MAP2K3: variants seen among roughly 807,000 people sequenced by gnomAD.
MAP2K3 encodes the protein dual specificity mitogen-activated protein kinase kinase 3.
MAP2K3 carries 30 observed loss-of-function variants against 46.4 expected under a neutral mutation model. The ratio of observed to expected loss-of-function variants is 0.65; its 90% CI spans 0.48 to 0.88. The LOEUF (loss-of-function observed/expected upper bound fraction) is 0.88. Among genes scored for constraint, MAP2K3 ranks in the 40% least tolerant of loss-of-function variants. The probability of loss-of-function intolerance (pLI) is 0.00; values close to 1 mark genes in which losing one functional copy is unlikely to be tolerated. For synonymous variants in MAP2K3, 189 were observed against 176.3 expected (o/e 1.07, Z -0.57); for missense variants, 380 against 464.5 (o/e 0.82, Z 1.67).
chr17:21,312,515 A>G (rs990341942), intron 10 of MAP2K3, among the ~76,000 whole-genome samples: 1 of 152,246 alleles, frequency 6.6e-6, no homozygotes, highest in Non-Finnish European at 1.5e-5. Flanking sequence ...AGACTGAAAA[A>G]GAGAACAAAG....
intron 1 of MAP2K3, chr17:21,291,293 C>G (rs1031081201): frequency 9.2e-5 from 2 of 21,800 alleles, no homozygotes; most frequent in African/African-American, 1.1e-3. Context: ...CAATAGAATA[C>G]AATACAATAG....
intron 1 of MAP2K3, among the ~76,000 whole-genome samples, chr17:21,286,289 G>A (rs1248946442): frequency 6.6e-6 from 1 of 152,258 alleles, no homozygotes; most frequent in Non-Finnish European, 1.5e-5. Context: ...TGCAGCCTCA[G>A]AGTGAGCAGG....
chr17:21,291,646 C>T (rs531259447), intron 1 of MAP2K3: 1 of 453,812 alleles, frequency 2.2e-6, no homozygotes, highest in South Asian at 1.6e-5. Flanking sequence ...GGGGCCTGCC[C>T]CACAGTGTGG....
At chr17:21,304,818 C>T (rs1364525480) in intron 8 of MAP2K3, among the ~76,000 whole-genome samples, 3 of 152,424 alleles carry the variant, frequency 2.0e-5, no homozygotes, top group Non-Finnish European at 2.9e-5. Context: ...GTGCAGGTCC[C>T]GCCCCGCCCT....
intron 1 of MAP2K3, among the ~76,000 whole-genome samples, chr17:21,295,203 C>T (rs987551100): frequency 9.8e-5 from 15 of 152,290 alleles, no homozygotes; most frequent in Admixed American, 9.2e-4. Flanking sequence ...ACTCAAGGGT[C>T]GGGGGCTCTA....
chr17:21,298,362 G>A (rs756550999), intron 1 of MAP2K3, 51 bp from the exon 2 acceptor site: 7 of 1,612,028 alleles, frequency 4.3e-6, no homozygotes, highest in African/African-American at 1.3e-5. Flanking sequence ...GAGTGCAGGG[G>A]ACATTGATGT....
rs1476154380 is a variant in MAP2K3 at position 21,315,084 on chromosome 17, T to C, written c.*854T>C. ...AGCTCACTCTCCCTGAGGACTGGCT[T>C]GACAGGGGCTATGGGTTTGCTTTGG... On this transcript the variant is annotated 3_prime_UTR_variant, in exon 12 of 12. Coordinates refer to ENST00000342679, the MANE Select transcript of MAP2K3 (RefSeq NM_145109.3). The C allele has an allele frequency of 6.6e-6, 1 of 152,542 alleles. No individual in the cohort carries two copies. Among genetic ancestry groups the C allele is most frequent in the Non-Finnish European group, 1.5e-5 (1 of 68,028 alleles). 9.4% of individuals were successfully genotyped at this position (152,542 alleles called of 1,614,324 possible).
chr17:21,295,635 G>A (rs1976196992), intron 1 of MAP2K3: 10 of 1,289,102 alleles, frequency 7.8e-6, no homozygotes, highest in Non-Finnish European at 1.0e-5. Context: ...TCCCCATGGA[G>A]CCTGTGGCCC....
chr17:21,304,665 A>G (rs1976794764), intron 8 of MAP2K3, 112 bp downstream of exon 8: 1 of 1,525,502 alleles, frequency 6.6e-7, no homozygotes, highest in Admixed American at 2.0e-5. Flanking sequence ...GCCTCCCCAC[A>G]CTGCGTTTCC....
In MAP2K3 at chr17:21,314,451, T is replaced by C. The variant is rs2363193; in HGVS notation, c.*221T>C. On this transcript the variant is annotated 3_prime_UTR_variant, in exon 12 of 12. Coordinates refer to ENST00000342679, the MANE Select transcript of MAP2K3 (RefSeq NM_145109.3). ...GCCAGGCCCTTGTCGGCCCCACCAG[T>C]GCCTCTCCCTGCTGCTCCTAGGACC... The C allele has an allele frequency of 2.8e-5, 16 of 567,702 alleles. No homozygotes were observed. The highest frequency in any genetic ancestry group is 5.6e-5 in the African/African-American group (3 of 53,144). 35.2% of individuals were successfully genotyped at this position (567,702 alleles called of 1,614,324 possible).
chr17:21,288,056 G>GT, intron 1 of MAP2K3: 1 of 1,289,238 alleles, frequency 7.8e-7, no homozygotes, highest in Non-Finnish European at 1.0e-6. Context: ...GTTGGCCCGT[G>GT]TGAGGAGAAG....
Position 21,298,319 on chromosome 17 carries a change from C to T in MAP2K3, c.50-94C>T, listed in dbSNP as rs1976378867. On this transcript the variant is annotated intron_variant, in intron 1 of 11. Coordinates refer to ENST00000342679, the MANE Select transcript of MAP2K3 (RefSeq NM_145109.3). ...CGGCATGGGTGATGGCAGAGGCTGGCACCCTTGTGGGCCAGGGCCTGATGG... is the reference window on the plus strand; with the variant it reads ...CGGCATGGGTGATGGCAGAGGCTGGTACCCTTGTGGGCCAGGGCCTGATGG... 8.3e-6 allele frequency: 13 copies of T among 1,558,950 alleles called. No individual in the cohort carries two copies. The East Asian group carries it at 2.9e-4, about 35-fold the overall frequency.
chr17:21,289,498 C>G (rs1484273547), intron 1 of MAP2K3, among the ~76,000 whole-genome samples: 1 of 152,120 alleles, frequency 6.6e-6, no homozygotes, highest in African/African-American at 2.4e-5. Flanking sequence ...TGGGAGGGTC[C>G]CAGAGGAGGG....
At chr17:21,285,018 G>C (rs375937897) in intron 1 of MAP2K3, 49 bp downstream of exon 1, 197 of 1,582,322 alleles carry the variant, frequency 1.2e-4, no homozygotes, top group Non-Finnish European at 1.6e-4. Context: ...CCTAATCTGG[G>C]GCCGGGCTGC....
chr17:21,300,905 A>G lies in MAP2K3; in HGVS notation c.311A>G (p.Gln104Arg), dbSNP rs754138163. The G allele has an allele frequency of 6.2e-7, 1 of 1,614,240 alleles. No homozygotes were observed. The highest frequency in any genetic ancestry group is 8.5e-7 in the Non-Finnish European group (1 of 1,180,052). The change falls in exon 5 of 12, where the codon CAG becomes CGG. Residue 104 changes from glutamine (Q) to arginine (R), a missense_variant. This residue lies in a region of MAP2K3 where 294 missense variants were observed against 275.4 expected (regional missense o/e 1.07). Transcript: ENST00000342679. ...RIRATVNSQE[Q>R]KRLLMDLDIN... ...CGGGCCACCGTGAACTCACAGGAGCAGAAGCGGCTGCTCATGGACCTGGAC... is the reference window on the plus strand; with the variant it reads ...CGGGCCACCGTGAACTCACAGGAGCGGAAGCGGCTGCTCATGGACCTGGAC...
rs1017885109 is a variant in MAP2K3 at position 21,284,737 on chromosome 17, G to A, written c.-184G>A. On this transcript the variant is annotated 5_prime_UTR_variant, in exon 1 of 12. Transcript: ENST00000342679. ...GTCTGTCTCCGGCGCCGCCCGTCGC[G>A]GACTCGTCCTTGCTGCAGTCGCCGC... 7 of 548,724 alleles carry A rather than the reference G, an allele frequency of 1.3e-5. No homozygotes were observed. Among genetic ancestry groups the A allele is most frequent in the Admixed American group, 8.8e-5 (2 of 22,690 alleles). 34.0% of individuals were successfully genotyped at this position (548,724 alleles called of 1,614,324 possible). A position where few individuals can be genotyped will look rare whatever the true frequency, so the allele number is the denominator to read the frequency against.
At chr17:21,296,117 TG>T in intron 1 of MAP2K3, 1 of 1,289,590 alleles carries the variant, frequency 7.8e-7, no homozygotes, top group Non-Finnish European at 1.0e-6. Context: ...TGACCATTTA[TG>T]GGCCACAACA....
At chr17:21,302,046 GGGGGCT>G (rs141600871) in intron 5 of MAP2K3, 91 bp from the exon 6 acceptor site, 49 of 1,067,234 alleles carry the variant, frequency 4.6e-5, no homozygotes, top group Middle Eastern at 2.2e-4. Context: ...ACGTCGGAGA[GGGGGCT>G]GGGGCTGGGG....
chr17:21,296,756 G>T (rs28702934), intron 1 of MAP2K3, among the ~76,000 whole-genome samples: 20 of 152,422 alleles, frequency 1.3e-4, no homozygotes, highest in African/African-American at 4.3e-4. Flanking sequence ...TGACAGACTC[G>T]CAGTGAGACC....
Sources: gnomAD v4.1 joint callset for allele counts (sites outside exome capture counted in the v4.1 genomes callset) on GRCh38, gnomAD v4.1.1 for gene constraint, gnomAD v4.1.1 regional missense constraint, MANE v1.5 for transcripts, NCBI Gene and HGNC (gene_info 2026-07-23, HGNC 2026-07-21) for gene names.